The following MEGF11 variants were observed in gnomAD, a reference collection of about 807,000 sequenced individuals.
MEGF11 encodes multiple EGF like domains 11, also known as multiple epidermal growth factor-like domains protein 11.
In MEGF11, 126 loss-of-function variants were observed where a neutral mutation model predicts 146.6. The ratio of observed to expected loss-of-function variants is 0.86; its 90% CI spans 0.74 to 1.00. The LOEUF is 1.00. Among genes scored for constraint, MEGF11 ranks in the 50% least tolerant of loss-of-function variants. The pLI, the probability that MEGF11 is intolerant of heterozygous loss-of-function variation, is 0.00. For synonymous variants in MEGF11, 532 were observed against 583.4 expected (o/e 0.91, Z 1.27); for missense variants, 1,509 against 1,521.2 (o/e 0.99, Z 0.13).
chr15:66,179,159 G>GTC (rs1258910394), intron 1 of MEGF11, among the ~76,000 whole-genome samples: 1 of 152,118 alleles, frequency 6.6e-6, no homozygotes, highest in Non-Finnish European at 1.5e-5. Flanking sequence ...TTGAGATGAA[G>GTC]TCTCTCTCTG....
chr15:65,980,973 C>T, intron 6 of MEGF11, 75 bp from the exon 7 acceptor site: 3 of 1,455,764 alleles, frequency 2.1e-6, no homozygotes, highest in Non-Finnish European at 2.7e-6. Flanking sequence ...TCCAGGGTTC[C>T]CTAGGAATTC....
chr15:65,991,871 G>A lies in MEGF11; in HGVS notation c.395-9383C>T, dbSNP rs552169224. Among the ~76,000 whole-genome samples the A allele has an allele frequency of 1.1e-4, 17 of 152,340 alleles. No homozygotes were observed. The East Asian group carries it at 3.3e-3, about 29-fold the overall frequency. ...CCTCCCATCACACCAGCTATTACGAGATGAGAGGCTCAATGTCAAACAATT... is the reference window on the plus strand; with the variant it reads ...CCTCCCATCACACCAGCTATTACGAAATGAGAGGCTCAATGTCAAACAATT... On this transcript the variant is annotated intron_variant, in intron 5 of 25. Transcript: ENST00000395614.
chr15:66,017,795 AAG>A (rs2082944538), intron 5 of MEGF11, among the ~76,000 whole-genome samples: 1 of 152,186 alleles, frequency 6.6e-6, no homozygotes, highest in Non-Finnish European at 1.5e-5. Context: ...ACTGTGGCCT[AAG>A]AGTGAGTGAG....
chr15:66,246,236 G>A (rs552376401), intron 1 of MEGF11, among the ~76,000 whole-genome samples: 1 of 152,260 alleles, frequency 6.6e-6, no homozygotes, highest in Non-Finnish European at 1.5e-5. Context: ...CAGCCTGAGT[G>A]ACAAGAGCAA....
chr15:66,007,821 C>G (rs2082567093), intron 5 of MEGF11, among the ~76,000 whole-genome samples: 1 of 152,200 alleles, frequency 6.6e-6, no homozygotes, highest in African/African-American at 2.4e-5. Context: ...CAGTCAGTGA[C>G]TATTTACTGA....
At chr15:66,053,491 CATTATT>C (rs2084535012) in intron 5 of MEGF11, among the ~76,000 whole-genome samples, 1 of 151,922 alleles carries the variant, frequency 6.6e-6, no homozygotes, top group African/African-American at 2.4e-5. Context: ...TTATCATTAT[CATTATT>C]TAGTTCCCCA....
At chr15:66,071,419 G>C (rs528339704) in intron 5 of MEGF11, among the ~76,000 whole-genome samples, 2 of 152,354 alleles carry the variant, frequency 1.3e-5, no homozygotes, top group South Asian at 2.1e-4. Flanking sequence ...TGCAACCCTT[G>C]GCTGTGACCC....
intron 1 of MEGF11, among the ~76,000 whole-genome samples, chr15:66,153,415 A>C (rs1021299725): frequency 6.6e-6 from 1 of 152,132 alleles, no homozygotes; most frequent in East Asian, 1.9e-4. Context: ...TCTACTAAAA[A>C]TACAAAAATT....
intron 1 of MEGF11, among the ~76,000 whole-genome samples, chr15:66,230,520 T>C (rs1234446478): frequency 2.4e-4 from 36 of 152,352 alleles, no homozygotes; most frequent in Non-Finnish European, 2.9e-5. Flanking sequence ...ATGCCTTACA[T>C]CTGTGCAGCA....
In MEGF11 at chr15:65,917,541, G is replaced by T. The variant is rs116289325; in HGVS notation, c.2086+425C>A. Among the ~76,000 whole-genome samples, 807 of 152,230 alleles carry T rather than the reference G, an allele frequency of 5.3e-3. 11 individuals are homozygous for T. Among genetic ancestry groups the T allele is most frequent in the African/African-American group, 0.019 (775 of 41,516 alleles). The stretch of plus-strand genomic sequence containing the variant: ...CACATCAGATTGGTGCACTTTACAT[G>T]AACAGCCTCAAGGACATCATTCACA... On this transcript the variant is annotated intron_variant, in intron 16 of 25. Coordinates refer to ENST00000395614, the MANE Select transcript of MEGF11 (RefSeq NM_001385028.1).
chr15:66,100,987 AGTGGGTGGTGGGTGGATGGGCAC>A (rs1008428338), intron 4 of MEGF11, among the ~76,000 whole-genome samples: 25 of 57,046 alleles, frequency 4.4e-4, no homozygotes, highest in Admixed American at 8.0e-4. Flanking sequence ...TGAGCCAGTG[AGTGGGTGGTGGGTGGATGGGCAC>A]GTGGGTGGGT....
intron 5 of MEGF11, among the ~76,000 whole-genome samples, chr15:66,058,153 A>C (rs2084755301): frequency 6.6e-6 from 1 of 152,202 alleles, no homozygotes; most frequent in Non-Finnish European, 1.5e-5. Flanking sequence ...AGATGGGCTC[A>C]CAGATGGAAG....
At chr15:65,977,946 A>G (rs1484113034) in intron 7 of MEGF11, among the ~76,000 whole-genome samples, 2 of 152,164 alleles carry the variant, frequency 1.3e-5, no homozygotes, top group African/African-American at 4.8e-5. Flanking sequence ...AGCCCAGAAA[A>G]AGAGGAGAAA....
At chr15:66,096,894 CAG>C (rs2086578027) in intron 4 of MEGF11, among the ~76,000 whole-genome samples, 1 of 152,174 alleles carries the variant, frequency 6.6e-6, no homozygotes, top group Non-Finnish European at 1.5e-5. Context: ...CCCAAAGCCC[CAG>C]AGACCAGCAG....
At chr15:66,173,065 C>T (rs1403163140) in intron 1 of MEGF11, among the ~76,000 whole-genome samples, 1 of 152,202 alleles carries the variant, frequency 6.6e-6, no homozygotes, top group Admixed American at 6.5e-5. Flanking sequence ...GCACCTCAAA[C>T]GCCCTCCTCC....
intron 16 of MEGF11, among the ~76,000 whole-genome samples, chr15:65,917,530 G>A (rs1234173835): frequency 1.3e-5 from 2 of 152,142 alleles, no homozygotes; most frequent in African/African-American, 2.4e-5. Context: ...TCAGATTGGT[G>A]CACTTTACAT....
In MEGF11 at chr15:65,903,187, C is replaced by T. The variant is rs373090484; in HGVS notation, c.3055+2898G>A. ...CTAACTACCTAAGAGCCCAAGTTTA[C>T]GCAAAGACAGACTTGGAAGTTAGAT... is the stretch of plus-strand genomic sequence containing the variant. On this transcript the variant is annotated intron_variant, in intron 24 of 25. Coordinates refer to ENST00000395614, the MANE Select transcript of MEGF11 (RefSeq NM_001385028.1). 8.5e-5 allele frequency among the ~76,000 whole-genome samples: 13 copies of T among 152,246 alleles called. No individual in the cohort carries two copies. The East Asian group carries it at 1.7e-3, about 20-fold the overall frequency.
intron 5 of MEGF11, among the ~76,000 whole-genome samples, chr15:66,022,338 C>CA (rs2083173969): frequency 6.6e-6 from 1 of 152,250 alleles, no homozygotes. Context: ...TGCTGATGGT[C>CA]ATGCCCAATG....
chr15:66,204,513 C>T (rs1447277239), intron 1 of MEGF11, among the ~76,000 whole-genome samples: 1 of 152,212 alleles, frequency 6.6e-6, no homozygotes, highest in Non-Finnish European at 1.5e-5. Context: ...GCTGAGTGAC[C>T]TGTGGTAGAA....
Sources: allele counts gnomAD v4.1 joint callset (sites outside exome capture counted in the v4.1 genomes callset), GRCh38; gene constraint gnomAD v4.1.1; transcripts MANE v1.5; gene names NCBI Gene and HGNC (gene_info 2026-07-23, HGNC 2026-07-21).